AGMO: variants seen among roughly 807,000 people sequenced by gnomAD.
The protein encoded by AGMO is glyceryl-ether monooxygenase.
In AGMO, 75 loss-of-function variants were observed where a neutral mutation model predicts 60.2. That is an observed-to-expected ratio of 1.25 (90% CI 1.03 to 1.51). The LOEUF is 1.51. Among genes scored for constraint, AGMO ranks in the 40% most tolerant of loss-of-function variants. The pLI, the probability that AGMO is intolerant of heterozygous loss-of-function variation, is 0.00. For missense variants in AGMO, 763 were observed against 525.5 expected (o/e 1.45, Z -4.42); for synonymous variants, 261 against 177.1 (o/e 1.47, Z -3.76).
intron 12 of AGMO, among the ~76,000 whole-genome samples, chr7:15,347,321 TTG>T (rs1271595261): frequency 2.6e-5 from 4 of 152,114 alleles, no homozygotes; most frequent in Admixed American, 2.6e-4. Flanking sequence ...CATTTGTGAA[TTG>T]TAAATGCCAA....
At chr7:15,185,373 C>T in the AGMO span, among the ~76,000 whole-genome samples, 3 of 152,258 alleles carry the variant, frequency 2.0e-5, no homozygotes, top group Admixed American at 2.0e-4. Context: ...CATTAGGTTT[C>T]AATTTTGTTC....
At chr7:15,122,912 C>T in the AGMO span, among the ~76,000 whole-genome samples, 1 of 152,056 alleles carries the variant, frequency 6.6e-6, no homozygotes, top group Non-Finnish European at 1.5e-5. Context: ...CTACTCTCCT[C>T]AAAACATTCC....
intron 12 of AGMO, among the ~76,000 whole-genome samples, chr7:15,352,865 G>A (rs760080526): frequency 3.9e-5 from 6 of 151,994 alleles, no homozygotes; most frequent in African/African-American, 7.3e-5. Flanking sequence ...ATTAGAACGT[G>A]TATGTGTTTA....
intron 3 of AGMO, among the ~76,000 whole-genome samples, chr7:15,485,644 G>T (rs549960747): frequency 6.6e-6 from 1 of 152,288 alleles, no homozygotes; most frequent in South Asian, 2.1e-4. Context: ...TCTTAGAGAA[G>T]TTAGGGCCTG....
intron 3 of AGMO, among the ~76,000 whole-genome samples, chr7:15,527,372 T>G (rs1333231243): frequency 6.6e-6 from 1 of 152,180 alleles, no homozygotes; most frequent in Non-Finnish European, 1.5e-5. Context: ...AAGATCAAAC[T>G]AGCCACAATT....
At chr7:15,383,693 T>C (rs1783790218) in intron 10 of AGMO, among the ~76,000 whole-genome samples, 1 of 152,178 alleles carries the variant, frequency 6.6e-6, no homozygotes, top group Non-Finnish European at 1.5e-5. Context: ...AGTTTTTAAC[T>C]AGATAGACTC....
intron 12 of AGMO, among the ~76,000 whole-genome samples, chr7:15,328,526 T>G (rs1173515860): frequency 1.3e-5 from 2 of 152,176 alleles, no homozygotes; most frequent in East Asian, 3.9e-4. Context: ...GAGAGGGAAG[T>G]ACAGGAATAA....
chr7:15,421,101 A>AT (rs1488882427), intron 4 of AGMO, among the ~76,000 whole-genome samples: 1 of 152,156 alleles, frequency 6.6e-6, no homozygotes, highest in African/African-American at 2.4e-5. Flanking sequence ...ACAATATGGC[A>AT]TTTAGGGGAA....
the AGMO span, among the ~76,000 whole-genome samples, chr7:15,182,036 C>T: frequency 4.6e-5 from 7 of 152,020 alleles, no homozygotes; most frequent in South Asian, 4.1e-4. Flanking sequence ...GACTTGAAAA[C>T]GAAGGGAATT....
the AGMO span, among the ~76,000 whole-genome samples, chr7:15,176,177 C>T: frequency 6.6e-6 from 1 of 151,936 alleles, no homozygotes; most frequent in Admixed American, 6.6e-5. Context: ...GAAAAGCAAA[C>T]ACATACAGTC....
chr7:15,492,418 G>T (rs1313458773), intron 3 of AGMO, among the ~76,000 whole-genome samples: 2 of 147,924 alleles, frequency 1.4e-5, no homozygotes, highest in Non-Finnish European at 3.0e-5. Context: ...AGAACGTCTA[G>T]ACTTTCCGCA....
chr7:15,459,311 C>A (rs1391680967), intron 3 of AGMO, among the ~76,000 whole-genome samples: 1 of 152,050 alleles, frequency 6.6e-6, no homozygotes. Flanking sequence ...TAAAAGGGTT[C>A]GTTTATGCAA....
At chr7:15,284,850 T>C (rs909064238) in intron 12 of AGMO, among the ~76,000 whole-genome samples, 1 of 151,968 alleles carries the variant, frequency 6.6e-6, no homozygotes, top group East Asian at 1.9e-4. Flanking sequence ...GCTAACTGAA[T>C]CCAACAACAC....
chr7:15,494,500 C>T (rs1256982217), intron 3 of AGMO, among the ~76,000 whole-genome samples: 1 of 152,100 alleles, frequency 6.6e-6, no homozygotes, highest in Non-Finnish European at 1.5e-5. Flanking sequence ...TACTATGTGT[C>T]GGCTAAAATA....
At chr7:15,405,508 A>G (rs1784662817) in intron 5 of AGMO, among the ~76,000 whole-genome samples, 1 of 151,966 alleles carries the variant, frequency 6.6e-6, no homozygotes, top group Non-Finnish European at 1.5e-5. Context: ...CTGTATCTTG[A>G]TAAGCATTCA....
At position 15,544,746 on chromosome 7, in the gene AGMO, A is replaced by T. The variant is rs371083692; in HGVS notation, c.409+26T>A. On this transcript the variant is annotated intron_variant, in intron 3 of 12. Coordinates refer to ENST00000342526, the MANE Select transcript of AGMO (RefSeq NM_001004320.2). Reference sequence around the variant, plus strand: ...ACCAAACACAGTTCAACATAAGTTAACAAAAAGTCCTCATTTGCAGCTTAC... The same window carrying T: ...ACCAAACACAGTTCAACATAAGTTATCAAAAAGTCCTCATTTGCAGCTTAC... The T allele has an allele frequency of 3.2e-5, 49 of 1,539,436 alleles. 1 individual carries two copies. In the African/African-American group the frequency reaches 6.2e-4, roughly 20 times the overall value.
intron 9 of AGMO, among the ~76,000 whole-genome samples, chr7:15,387,134 C>T (rs1282136001): frequency 1.3e-5 from 2 of 152,154 alleles, no homozygotes; most frequent in East Asian, 3.9e-4. Context: ...CAAAGGCAAG[C>T]GTTCAAGTCG....
intron 3 of AGMO, among the ~76,000 whole-genome samples, chr7:15,433,748 A>G (rs1291576159): frequency 6.8e-6 from 1 of 146,000 alleles, no homozygotes; most frequent in East Asian, 2.0e-4. Flanking sequence ...TTCTTTTTCT[A>G]TACGAAAATT....
chr7:15,290,509 T>G (rs989415614), intron 12 of AGMO, among the ~76,000 whole-genome samples: 1 of 152,230 alleles, frequency 6.6e-6, no homozygotes, highest in Non-Finnish European at 1.5e-5. Context: ...CATTATTATC[T>G]TCTTACTAGC....
Sources: allele counts gnomAD v4.1 joint callset (sites outside exome capture counted in the v4.1 genomes callset), GRCh38; gene constraint gnomAD v4.1.1; transcripts MANE v1.5; gene names NCBI Gene and HGNC (gene_info 2026-07-23, HGNC 2026-07-21).